Variants in F7 observed in about 807,000 individuals in gnomAD.
F7 encodes the protein FVII coagulation protein.
A neutral mutation model predicts 47.5 loss-of-function variants in F7; 38 were observed. That is an observed-to-expected ratio of 0.80 (90% confidence interval 0.62 to 1.05). F7 has a LOEUF of 1.05. F7 is among the 50% of genes least tolerant of loss of function. The probability of loss-of-function intolerance (pLI) is 0.00; values close to 1 mark genes in which losing one functional copy is unlikely to be tolerated. For synonymous variants in F7, 244 were observed against 258.5 expected (o/e 0.94, Z 0.54); for missense variants, 575 against 605.4 (o/e 0.95, Z 0.53).
At chr13:113,109,556 G>T (rs1049707893) in intron 1 of F7, among the ~76,000 whole-genome samples, 23 of 152,150 alleles carry the variant, frequency 1.5e-4, no homozygotes, top group Non-Finnish European at 5.9e-5. Flanking sequence ...AATTTAGGCC[G>T]CTCCTGCAGA....
In F7 at chr13:113,117,494, G is replaced by A; in HGVS notation, c.637G>A (p.Ala213Thr). Reference protein sequence around the residue: ...PWQVLLLVNGAQLCGGTLINT... With the variant: ...PWQVLLLVNGTQLCGGTLINT... Reference sequence around the variant, plus strand: ...CCAGGTCCTGTTGTTGGTGAATGGAGCTCAGTTGTGTGGGGGGACCCTGAT... The same window carrying A: ...CCAGGTCCTGTTGTTGGTGAATGGAACTCAGTTGTGTGGGGGGACCCTGAT... Residue 213 changes from alanine (A) to threonine (T), a missense_variant, in exon 7 of 8, where the codon GCT becomes ACT. Transcript: ENST00000346342. 7 of 1,614,162 alleles carry A rather than the reference G, an allele frequency of 4.3e-6. No individual in the cohort carries two copies. Among genetic ancestry groups the A allele is most frequent in the Non-Finnish European group, 5.9e-6 (7 of 1,180,020 alleles).
rs201058276 is a variant in F7 at position 113,118,731 on chromosome 13, G to C, written c.1058G>C (p.Arg353Pro). The change falls in exon 8 of 8, where the codon CGG becomes CCG. Residue 353 changes from arginine to proline, a missense_variant. Transcript: ENST00000346342. ...LMTQDCLQQS[R>P]KVGDSPNITE... ...ACCCAGGACTGCCTGCAGCAGTCAC[G>C]GAAGGTGGGAGACTCCCCAAATATC... is the stretch of plus-strand genomic sequence containing the variant. 1 of 1,613,074 alleles carries C rather than the reference G, an allele frequency of 6.2e-7. No homozygotes were observed. The highest frequency in any genetic ancestry group is 1.1e-5 in the South Asian group (1 of 91,060).
intron 1 of F7, among the ~76,000 whole-genome samples, chr13:113,108,021 A>G (rs1383014885): frequency 1.1e-3 from 3 of 2,784 alleles, no homozygotes; most frequent in Non-Finnish European, 1.7e-3. Context: ...GGTGTTCCGG[A>G]GGCGAGGGTG....
intron 1 of F7, chr13:113,106,699 TGGCGTGAGGATGGCTAGTGG>T: frequency 5.8e-6 from 3 of 515,038 alleles, no homozygotes; most frequent in Non-Finnish European, 9.7e-6. Flanking sequence ...GTAGGGGGTG[TGGCGTGAGGATGGCTAGTGG>T]GGCGTGGGGA....
intron 2 of F7, among the ~76,000 whole-genome samples, chr13:113,111,586 C>A (rs1364727568): frequency 3.7e-5 from 4 of 108,682 alleles, no homozygotes; most frequent in Non-Finnish European, 1.9e-5. Context: ...ACCTCACACT[C>A]CAAGATCACC....
At chr13:113,112,763 T>G (rs942428754) in intron 2 of F7, among the ~76,000 whole-genome samples, 13 of 143,646 alleles carry the variant, frequency 9.1e-5, no homozygotes, top group African/African-American at 3.5e-4. Flanking sequence ...CACCTCACAC[T>G]CATAGGTCAC....
intron 5 of F7, 55 bp downstream of exon 5, chr13:113,115,855 G>T: frequency 6.2e-7 from 1 of 1,610,298 alleles, no homozygotes. Context: ...TCCCACTACG[G>T]ATTATCTTAC....
intron 6 of F7, 66 bp downstream of exon 6, chr13:113,116,941 A>C: frequency 3.8e-6 from 5 of 1,300,752 alleles, no homozygotes; most frequent in East Asian, 2.3e-5. Context: ...AATGTGAACA[A>C]CAGCTCTGGA....
rs544992484 is a variant in F7, at chr13:113,115,694, C to T, written c.399C>T (p.Asn133=). 2.2e-5 allele frequency: 35 copies of T among 1,612,930 alleles called. No homozygotes were observed. The highest frequency in any genetic ancestry group is 5.5e-5 in the South Asian group (5 of 91,066). ...ACCAGCTGATCTGTGTGAACGAGAA[C>T]GGCGGCTGTGAGCAGTACTGCAGTG... ...KDDQLICVNE[N]GGCEQYCSDH... The change falls in exon 5 of 8, where the codon AAC becomes AAT. Residue 133 remains asparagine, a synonymous_variant. Transcript: ENST00000346342.
intron 6 of F7, among the ~76,000 whole-genome samples, chr13:113,117,164 T>C (rs2036208320): frequency 6.6e-6 from 1 of 152,244 alleles, no homozygotes; most frequent in African/African-American, 2.4e-5. Flanking sequence ...GGTGGGATCT[T>C]TGCCTGATCT....
intron 1 of F7, among the ~76,000 whole-genome samples, chr13:113,108,607 G>A (rs2036019133): frequency 5.1e-5 from 5 of 97,878 alleles, no homozygotes; most frequent in African/African-American, 2.2e-4. Flanking sequence ...CGGAGGCGAG[G>A]GTGTCCCAGG....
At chr13:113,108,331 T>C (rs1363933331) in intron 1 of F7, among the ~76,000 whole-genome samples, 2 of 46,448 alleles carry the variant, frequency 4.3e-5, no homozygotes, top group African/African-American at 7.8e-5. Context: ...GTCCCGGGAG[T>C]GTGGGTGTTC....
rs139015882 is a variant in F7 at position 113,110,704 on chromosome 13, G to A, written c.79G>A (p.Glu27Lys). 306 of 1,548,582 alleles carry A rather than the reference G, an allele frequency of 2.0e-4. No individual in the cohort carries two copies. The African/African-American group carries it at 3.7e-3, about 19-fold the overall frequency. The change falls in exon 2 of 8, where the codon GAG becomes AAG. Residue 27 changes from glutamate to lysine, a missense_variant. Glu to Lys is a moderately conservative substitution (Grantham distance 56, BLOSUM62 1). Transcript: ENST00000346342. ...GCLAAVFVTQ[E>K]EAHGVLHRRR... ...GCATTTCCCAGTCTTCGTAACCCAG[G>A]AGGAAGCCCACGGCGTCCTGCACCG...
At position 113,110,740 on chromosome 13, in the gene F7, G is replaced by C. The variant is rs751166586; in HGVS notation, c.115G>C (p.Ala39Pro). 6.5e-7 allele frequency: 1 copy of C among 1,549,000 alleles called. No homozygotes were observed. The highest frequency in any genetic ancestry group is 8.7e-7 in the Non-Finnish European group (1 of 1,146,614). Residue 39 changes from alanine (A) to proline (P), a missense_variant, in exon 2 of 8, where the codon GCC becomes CCC. By Grantham distance (27) the Ala-to-Pro change is conservative. Coordinates refer to ENST00000346342, the MANE Select transcript of F7 (RefSeq NM_019616.4). ...AHGVLHRRRRANAFLEELRPG... is the reference protein window; with the variant it reads ...AHGVLHRRRRPNAFLEELRPG... ...CGGCGTCCTGCACCGGCGCCGGCGC[G>C]CCAACGCGTTCCTGGAGGAGCTGCG...
rs1365354034 is a variant in F7 at position 113,118,543 on chromosome 13, G to T, written c.870G>T (p.Val290=). 2 of 1,612,336 alleles carry T rather than the reference G, an allele frequency of 1.2e-6. No individual in the cohort carries two copies. The highest frequency in any genetic ancestry group is 1.3e-5 in the African/African-American group (1 of 74,924). The part of the protein sequence containing the change: ...DIALLRLHQP[V]VLTDHVVPLC... ...CGCTGCTCCGCCTGCACCAGCCCGT[G>T]GTCCTCACTGACCATGTGGTGCCCC... Residue 290 remains valine (V), a synonymous_variant, in exon 8 of 8, where the codon GTG becomes GTT. Coordinates refer to ENST00000346342, the MANE Select transcript of F7 (RefSeq NM_019616.4).
chr13:113,118,852 G>A lies in F7; in HGVS notation c.1179G>A (p.Thr393=), dbSNP rs766294452. ...GGPHATHYRG[T]WYLTGIVSWG... ...CACATGCCACCCACTACCGGGGCAC[G>A]TGGTACCTGACGGGCATCGTCAGCT... The change falls in exon 8 of 8, where the codon ACG becomes ACA. Residue 393 remains threonine (T), a synonymous_variant. Transcript: ENST00000346342. 46 of 1,612,700 alleles carry A rather than the reference G, an allele frequency of 2.9e-5. No individual in the cohort carries two copies. Among genetic ancestry groups the A allele is most frequent in the Middle Eastern group, 3.3e-4 (2 of 6,084 alleles).
At chr13:113,109,692 C>G (rs1023266752) in intron 1 of F7, among the ~76,000 whole-genome samples, 1 of 152,156 alleles carries the variant, frequency 6.6e-6, no homozygotes, top group Non-Finnish European at 1.5e-5. Flanking sequence ...CTCTCAGCCC[C>G]GCTCGCCTCC....
rs1032114346 is a variant in F7, at chr13:113,120,664, A to G, written c.*1656A>G. On this transcript the variant is annotated 3_prime_UTR_variant, in exon 8 of 8. Transcript: ENST00000346342. ...CCAAGGCACCCTGCTCTTGTAAATA[A>G]AGTTTTATGGGAACACACCCATATT... The G allele has an allele frequency of 6.6e-6, 1 of 152,336 alleles. No homozygotes were observed. Among genetic ancestry groups the G allele is most frequent in the African/African-American group, 2.4e-5 (1 of 41,434 alleles). The allele number at this position is 152,336 out of a possible 1,614,324, so 9.4% of individuals were successfully genotyped here.
intron 4 of F7, among the ~76,000 whole-genome samples, chr13:113,115,095 C>T (rs953859092): frequency 1.4e-4 from 22 of 152,322 alleles, no homozygotes; most frequent in African/African-American, 4.1e-4. Context: ...CAGGCCTTCC[C>T]GCCGGAGTCC....
Sources: allele counts gnomAD v4.1 joint callset (sites outside exome capture counted in the v4.1 genomes callset), GRCh38; gene constraint gnomAD v4.1.1; transcripts MANE v1.5; gene names NCBI Gene and HGNC (gene_info 2026-07-23, HGNC 2026-07-21).